The following A1CF variants were observed in gnomAD, a reference collection of about 807,000 sequenced individuals.
A1CF encodes APOBEC1 complementation factor, also known as APOBEC-1 stimulating protein.
In A1CF, 48 loss-of-function variants were observed where a neutral mutation model predicts 68.9. The observed-to-expected ratio is 0.70, with a 90% CI of 0.55 to 0.89. The LOEUF (loss-of-function observed/expected upper bound fraction) is 0.89, where lower values mean the gene tolerates loss of function less well. Among genes scored for constraint, A1CF ranks in the 40% least tolerant of loss-of-function variants. A1CF has a pLI of 0.00. For synonymous variants in A1CF, 272 were observed against 260.4 expected (o/e 1.04, Z -0.43); for missense variants, 653 against 718.9 (o/e 0.91, Z 1.05).
intron 5 of A1CF, among the ~76,000 whole-genome samples, chr10:50,838,313 A>G (rs1390859741): frequency 6.6e-6 from 1 of 152,208 alleles, no homozygotes; most frequent in Admixed American, 6.5e-5. Flanking sequence ...TCTAGTAAGA[A>G]TTGTGCCAGG....
chr10:50,854,799 A>G (rs913101378), intron 3 of A1CF, among the ~76,000 whole-genome samples: 2 of 151,962 alleles, frequency 1.3e-5, no homozygotes, highest in African/African-American at 2.4e-5. Context: ...AACAAAAAAT[A>G]TTGATGTTTA....
chr10:50,828,857 A>G (rs930246282), intron 6 of A1CF, among the ~76,000 whole-genome samples: 3 of 152,158 alleles, frequency 2.0e-5, no homozygotes, highest in African/African-American at 7.2e-5. Flanking sequence ...CAAGGCTTAG[A>G]TCAGCTGTGT....
chr10:50,815,727 C>T (rs1193233139), intron 9 of A1CF, among the ~76,000 whole-genome samples: 1 of 152,090 alleles, frequency 6.6e-6, no homozygotes, highest in African/African-American at 2.4e-5. Flanking sequence ...AATTATAGAA[C>T]TAGGTTTTAG....
At chr10:50,878,104 AGAGT>A (rs1173501066) in intron 1 of A1CF, among the ~76,000 whole-genome samples, 6 of 152,226 alleles carry the variant, frequency 3.9e-5, no homozygotes, top group Admixed American at 2.6e-4. Context: ...CCTGGGTGAC[AGAGT>A]GAGACTCCAT....
chr10:50,828,484 G>C, intron 6 of A1CF, 189 bp from the exon 7 acceptor site: 1 of 418,126 alleles, frequency 2.4e-6, no homozygotes, highest in Non-Finnish European at 4.2e-6. Context: ...AGGGAGTTCT[G>C]TGTGACCGGT....
Position 50,828,236 on chromosome 10 carries a change from C to T in A1CF, c.664G>A (p.Val222Ile). 1 of 1,607,494 alleles carries T rather than the reference C, an allele frequency of 6.2e-7. No homozygotes were observed. Among genetic ancestry groups the T allele is most frequent in the Non-Finnish European group, 8.5e-7 (1 of 1,175,262 alleles). ...AVDWAEPEVE[V>I]DEDTMSSVKI... ...ACTGAAGACATTGTATCTTCATCAA[C>T]TTCTACTTCTGGCTCTGCCCAGTCT... is the stretch of plus-strand genomic sequence containing the variant. The change falls in exon 7 of 13, where the codon GTT becomes ATT. Residue 222 changes from valine (V) to isoleucine (I), a missense_variant. Val to Ile is a conservative substitution (Grantham distance 29). Coordinates refer to ENST00000373997, the MANE Select transcript of A1CF (RefSeq NM_014576.4).
chr10:50,860,436 C>T (rs892760949), intron 2 of A1CF, among the ~76,000 whole-genome samples: 5 of 152,178 alleles, frequency 3.3e-5, no homozygotes, highest in Non-Finnish European at 7.3e-5. Flanking sequence ...TAGTTATCTA[C>T]TTATTCTCCA....
At chr10:50,834,629 A>G (rs73326767) in intron 6 of A1CF, among the ~76,000 whole-genome samples, 2,417 of 152,314 alleles carry the variant, frequency 0.016, 51 homozygotes, top group African/African-American at 0.054. Flanking sequence ...ATATTTTTGA[A>G]CTGGCCAGTT....
chr10:50,864,264 G>T (rs1364561802), intron 1 of A1CF, among the ~76,000 whole-genome samples, 184 bp from the exon 2 acceptor site: 2 of 152,166 alleles, frequency 1.3e-5, no homozygotes, highest in Non-Finnish European at 2.9e-5. Flanking sequence ...AAGATGAAAT[G>T]AGAAAACACC....
chr10:50,841,812 C>A (rs1839791872), intron 5 of A1CF, 50 bp downstream of exon 5: 1 of 1,597,952 alleles, frequency 6.3e-7, no homozygotes, highest in East Asian at 2.2e-5. Context: ...GAAAAACAGA[C>A]ACAGGTGCAT....
rs117743100 is a variant in A1CF at position 50,830,702 on chromosome 10, T to C, written c.605-2407A>G. ...AAAGTCCACGCTACTCAGAGCAATC[T>C]ACAGATTCAATGCAGTCTCTATCGA... On this transcript the variant is annotated intron_variant, in intron 6 of 12. Coordinates refer to ENST00000373997, the MANE Select transcript of A1CF (RefSeq NM_014576.4). Among the ~76,000 whole-genome samples, 530 of 152,278 alleles carry C rather than the reference T, an allele frequency of 3.5e-3. 5 individuals carry two copies. The East Asian group carries it at 0.048, about 14-fold the overall frequency.
At chr10:50,808,622 T>C (rs1837945581) in intron 12 of A1CF, among the ~76,000 whole-genome samples, 1 of 152,182 alleles carries the variant, frequency 6.6e-6, no homozygotes. Flanking sequence ...CCCTCTGCAA[T>C]GTCAGCTGTT....
chr10:50,881,956 A>G (rs541569762), intron 1 of A1CF, among the ~76,000 whole-genome samples: 1 of 152,374 alleles, frequency 6.6e-6, no homozygotes, highest in South Asian at 2.1e-4. Context: ...AAATCTATAT[A>G]GGATAAAAAT....
chr10:50,821,650 C>T (rs1838681282), intron 7 of A1CF, among the ~76,000 whole-genome samples: 1 of 152,006 alleles, frequency 6.6e-6, no homozygotes, highest in Non-Finnish European at 1.5e-5. Flanking sequence ...ATTCTTCTGC[C>T]TCAGCCTCCC....
intron 10 of A1CF, among the ~76,000 whole-genome samples, chr10:50,812,779 A>C (rs1838179128): frequency 6.6e-6 from 1 of 152,160 alleles, no homozygotes; most frequent in Non-Finnish European, 1.5e-5. Context: ...ATTCACTTCT[A>C]CATCTCCAGC....
At chr10:50,838,021 T>C (rs541852903) in intron 5 of A1CF, among the ~76,000 whole-genome samples, 1 of 152,194 alleles carries the variant, frequency 6.6e-6, no homozygotes, top group Non-Finnish European at 1.5e-5. Flanking sequence ...TACTTTATGC[T>C]TTTTGATGTT....
chr10:50,849,064 A>G (rs1840121819), intron 3 of A1CF, among the ~76,000 whole-genome samples: 1 of 152,132 alleles, frequency 6.6e-6, no homozygotes, highest in African/African-American at 2.4e-5. Context: ...CCACCTATAT[A>G]CTAGATCCTT....
chr10:50,874,093 T>C (rs1411986385), intron 1 of A1CF, among the ~76,000 whole-genome samples: 1 of 152,146 alleles, frequency 6.6e-6, no homozygotes, highest in African/African-American at 2.4e-5. Context: ...TTTAAAAAAC[T>C]ACATCAAATC....
intron 5 of A1CF, among the ~76,000 whole-genome samples, chr10:50,838,370 A>C (rs1450809017): frequency 6.6e-6 from 1 of 152,082 alleles, no homozygotes; most frequent in Admixed American, 6.6e-5. Context: ...TAATCTTCCA[A>C]GTTTTTTTTT....
Sources: gnomAD v4.1 joint callset for allele counts (sites outside exome capture counted in the v4.1 genomes callset) on GRCh38, gnomAD v4.1.1 for gene constraint, MANE v1.5 for transcripts, NCBI Gene and HGNC (gene_info 2026-07-23, HGNC 2026-07-21) for gene names.